Variants in TPST1 observed in about 807,000 individuals in gnomAD.
TPST1 encodes the protein protein-tyrosine sulfotransferase 1.
Under a neutral mutation model 34.8 loss-of-function variants are expected in TPST1, and 20 were observed. The ratio of observed to expected loss-of-function variants is 0.57; its 90% CI spans 0.40 to 0.84. The LOEUF is 0.84. Ranked by LOEUF, TPST1 falls within the 40% of genes least tolerant of loss-of-function variation. TPST1 has a pLI of 0.00. For missense variants in TPST1, 353 were observed against 455.5 expected, an observed-to-expected ratio of 0.78 and a Z score of 2.05; for synonymous variants, 152 against 159.4, an observed-to-expected ratio of 0.95 and a Z score of 0.35.
Position 66,235,182 on chromosome 7 carries a change from AG to A in TPST1, c.-101-5142del, listed in dbSNP as rs1347109521. Among the ~76,000 whole-genome samples the A allele has an allele frequency of 7.7e-5, 11 of 142,884 alleles. No homozygotes were observed. The Admixed American group carries it at 7.8e-4, about 10-fold the overall frequency. The allele number at this position is 142,884 out of a possible 152,430, so 93.7% of individuals were successfully genotyped here. On this transcript the variant is annotated intron_variant, in intron 1 of 5. Transcript: ENST00000304842. The stretch of plus-strand genomic sequence containing the variant: ...ACATAATGGATGCAATGTTCTGCAT[AG>A]ATTTTTTTTTTTTTTTTTTTGAGAC...
chr7:66,284,202 A>G (rs1011170587), intron 2 of TPST1, among the ~76,000 whole-genome samples: 1 of 152,204 alleles, frequency 6.6e-6, no homozygotes. Flanking sequence ...CATTTATTCA[A>G]TCATAATGAT....
At chr7:66,342,713 G>T (rs1362898861) in intron 3 of TPST1, among the ~76,000 whole-genome samples, 1 of 152,138 alleles carries the variant, frequency 6.6e-6, no homozygotes, top group Non-Finnish European at 1.5e-5. Context: ...GAGAGAGCAA[G>T]AGAGAGAGGG....
At chr7:66,265,814 C>T (rs1380801617) in intron 2 of TPST1, among the ~76,000 whole-genome samples, 1 of 152,138 alleles carries the variant, frequency 6.6e-6, no homozygotes, top group Non-Finnish European at 1.5e-5. Context: ...TCACCAGTAA[C>T]TATGGTGCCC....
At chr7:66,213,663 G>A (rs971073757) in intron 1 of TPST1, among the ~76,000 whole-genome samples, 4 of 151,160 alleles carry the variant, frequency 2.6e-5, no homozygotes, top group Admixed American at 2.0e-4. Flanking sequence ...GCTGAGGCGC[G>A]AACCCAGGAG....
At chr7:66,261,472 G>A (rs1447156272) in intron 2 of TPST1, among the ~76,000 whole-genome samples, 1 of 152,010 alleles carries the variant, frequency 6.6e-6, no homozygotes, top group Non-Finnish European at 1.5e-5. Context: ...ACAATCATTT[G>A]ATAGATTAGT....
intron 5 of TPST1, chr7:66,359,432 T>C (rs778729): frequency 0.095 from 14,466 of 151,752 alleles, 944 homozygotes; most frequent in South Asian, 0.19. Flanking sequence ...CCCTGGACAC[T>C]TGAAGAACCT....
chr7:66,201,894 T>C (rs990692257), upstream of TPST1, among the ~76,000 whole-genome samples: 14 of 149,188 alleles, frequency 9.4e-5, no homozygotes, highest in African/African-American at 3.2e-4. Context: ...TCCAAGCATA[T>C]AGCACATAAT....
At chr7:66,200,379 C>T (rs949887493), upstream of TPST1, among the ~76,000 whole-genome samples, 3 of 151,620 alleles carry the variant, frequency 2.0e-5, no homozygotes, top group African/African-American at 7.3e-5. Flanking sequence ...TTTGAATTGC[C>T]TGAAGATGGG....
chr7:66,236,272 G>T lies in TPST1; in HGVS notation c.-101-4053G>T, dbSNP rs527980284. ...ATAGGGTTGTACAACTATGACAACA[G>T]TTCAGTTTTAGAACAGTTCAGTCAC... On this transcript the variant is annotated intron_variant, in intron 1 of 5. Coordinates refer to ENST00000304842, the MANE Select transcript of TPST1 (RefSeq NM_003596.4). 5.9e-4 allele frequency among the ~76,000 whole-genome samples: 90 copies of T among 152,248 alleles called. No individual in the cohort carries two copies. The South Asian group carries it at 0.018, about 31-fold the overall frequency.
chr7:66,340,193 G>A (rs1792208090), intron 3 of TPST1, among the ~76,000 whole-genome samples: 1 of 151,620 alleles, frequency 6.6e-6, no homozygotes, highest in African/African-American at 2.4e-5. Context: ...AAGCCTGGGT[G>A]ATAGAGCGAG....
chr7:66,357,339 C>T (rs901279217), intron 5 of TPST1, among the ~76,000 whole-genome samples: 7 of 152,190 alleles, frequency 4.6e-5, no homozygotes, highest in African/African-American at 1.7e-4. Flanking sequence ...AGCCAGGGCC[C>T]CAGCCACCCA....
chr7:66,268,261 T>A (rs756664022), intron 2 of TPST1, among the ~76,000 whole-genome samples: 1 of 152,328 alleles, frequency 6.6e-6, no homozygotes, highest in Non-Finnish European at 1.5e-5. Context: ...CCAAGGTGGC[T>A]ACTTTTTAAA....
intron 1 of TPST1, among the ~76,000 whole-genome samples, chr7:66,232,317 C>T (rs1356916127): frequency 6.6e-6 from 1 of 151,708 alleles, no homozygotes; most frequent in Non-Finnish European, 1.5e-5. Context: ...ATCCTCCCAC[C>T]TCAGCCTCCT....
At chr7:66,352,197 C>T (rs1792492677) in intron 3 of TPST1, among the ~76,000 whole-genome samples, 1 of 152,186 alleles carries the variant, frequency 6.6e-6, no homozygotes, top group African/African-American at 2.4e-5. Context: ...GGGCTTGCTT[C>T]CTCTCTCAGC....
intron 1 of TPST1, among the ~76,000 whole-genome samples, chr7:66,228,137 T>C (rs1789703169): frequency 6.6e-6 from 1 of 152,222 alleles, no homozygotes; most frequent in Non-Finnish European, 1.5e-5. Context: ...AAAATTAGTT[T>C]TCAATACTGG....
intron 3 of TPST1, among the ~76,000 whole-genome samples, chr7:66,295,806 T>A (rs954392121): frequency 1.4e-4 from 21 of 152,266 alleles, no homozygotes; most frequent in African/African-American, 3.8e-4. Flanking sequence ...TAATTTTTTT[T>A]AATTTTTTAT....
chr7:66,306,721 C>T (rs1334130295), intron 3 of TPST1, among the ~76,000 whole-genome samples: 1 of 151,982 alleles, frequency 6.6e-6, no homozygotes, highest in African/African-American at 2.4e-5. Flanking sequence ...TTTTGTTTTG[C>T]TGTGTTTTGA....
At position 66,306,862 on chromosome 7, in the gene TPST1, C is replaced by T. The variant is rs556386417; in HGVS notation, c.1044+20153C>T. Among the ~76,000 whole-genome samples, 16 of 151,350 alleles carry T rather than the reference C, an allele frequency of 1.1e-4. 1 individual carries two copies. In the South Asian group the frequency reaches 2.3e-3, roughly 22 times the overall value. On this transcript the variant is annotated intron_variant, in intron 3 of 5. Transcript: ENST00000304842. ...TGAGTAGCTTGGGATTACGGGCAGC[C>T]GCCACCATGCACGGCTAATTTTTGG...
At chr7:66,252,908 G>A (rs1421911497) in intron 2 of TPST1, among the ~76,000 whole-genome samples, 3 of 152,096 alleles carry the variant, frequency 2.0e-5, no homozygotes, top group South Asian at 2.1e-4. Flanking sequence ...TGTGTGAGGT[G>A]CAGATTCATT....
Sources: allele counts gnomAD v4.1 joint callset (sites outside exome capture counted in the v4.1 genomes callset), GRCh38; gene constraint gnomAD v4.1.1; transcripts MANE v1.5; gene names NCBI Gene and HGNC (gene_info 2026-07-23, HGNC 2026-07-21).